The following PRICKLE2 variants were observed in gnomAD, a reference collection of about 807,000 sequenced individuals.
The protein encoded by PRICKLE2 is prickle-like protein 2.
In PRICKLE2, 21 loss-of-function variants were observed where a neutral mutation model predicts 81.4. The ratio of observed to expected loss-of-function variants is 0.26; its 90% CI spans 0.18 to 0.37. PRICKLE2 has a LOEUF of 0.37. Among genes scored for constraint, PRICKLE2 ranks in the 10% least tolerant of loss-of-function variants. The probability of loss-of-function intolerance (pLI) is 1.00; values close to 1 mark genes in which losing one functional copy is unlikely to be tolerated. For missense variants in PRICKLE2, 940 were observed against 1,109.0 expected, an observed-to-expected ratio of 0.85 and a Z score of 2.16; for synonymous variants, 456 against 421.5, an observed-to-expected ratio of 1.08 and a Z score of -1.00.
chr3:64,146,805 T>C, intron 7 of PRICKLE2, 25 bp downstream of exon 7: 1 of 1,613,718 alleles, frequency 6.2e-7, no homozygotes, highest in Non-Finnish European at 8.5e-7. Flanking sequence ...CCTTTCTATC[T>C]GTTTTCAAGG....
chr3:64,245,264 A>G (rs2079329199), intron 2 of PRICKLE2, among the ~76,000 whole-genome samples: 1 of 140,388 alleles, frequency 7.1e-6, no homozygotes, highest in South Asian at 2.5e-4. Context: ...AAAAAAGTTT[A>G]GATGGGTCAG....
chr3:64,111,227 C>T (rs1295261586), intron 7 of PRICKLE2, among the ~76,000 whole-genome samples: 3 of 152,152 alleles, frequency 2.0e-5, no homozygotes, highest in Non-Finnish European at 4.4e-5. Flanking sequence ...AGTGCTGGTG[C>T]GGGGACACCA....
Position 64,099,726 on chromosome 3 carries a change from G to A in PRICKLE2, c.1860C>T (p.Asn620=), listed in dbSNP as rs374890702. Residue 620 remains asparagine, a synonymous_variant, in exon 8 of 8, where the codon AAC becomes AAT. Transcript: ENST00000638394. The surrounding 1 kb of genome is among the most constrained non-coding windows in gnomAD (Gnocchi z 4.3). ...SAQQYQEMEG[N]LHQLSNPIGY... is the part of the protein sequence containing the mutation. ...CAATGGGGTTGCTGAGCTGGTGGAG[G>A]TTTCCCTCCATCTCCTGGTACTGCT... The A allele has an allele frequency of 1.2e-6, 2 of 1,614,080 alleles. No homozygotes were observed. Among genetic ancestry groups the A allele is most frequent in the African/African-American group, 2.7e-5 (2 of 74,942 alleles).
intron 7 of PRICKLE2, among the ~76,000 whole-genome samples, chr3:64,109,389 C>G (rs956085338): frequency 1.1e-4 from 16 of 152,146 alleles, no homozygotes; most frequent in African/African-American, 3.6e-4. Context: ...TGATGTATCT[C>G]TTTTACTTCC....
chr3:64,232,690 T>C (rs891938997), intron 2 of PRICKLE2, among the ~76,000 whole-genome samples: 11 of 152,202 alleles, frequency 7.2e-5, no homozygotes, highest in Admixed American at 1.3e-4. Flanking sequence ...TTTAGGCTGA[T>C]GACTCAAGGC....
At chr3:64,200,303 T>C (rs1367002629) in intron 1 of PRICKLE2, 4 of 152,238 alleles carry the variant, frequency 2.6e-5, no homozygotes, top group African/African-American at 9.6e-5. Context: ...TATCAATCCT[T>C]CATCCCCTTT....
chr3:64,097,322 A>G lies in PRICKLE2; in HGVS notation c.*1729T>C, dbSNP rs1354639086. The G allele has an allele frequency of 6.6e-6, 1 of 152,584 alleles. No individual in the cohort carries two copies. Among genetic ancestry groups the G allele is most frequent in the Non-Finnish European group, 1.5e-5 (1 of 68,032 alleles). 9.5% of individuals were successfully genotyped at this position (152,584 alleles called of 1,614,324 possible). A position where few individuals can be genotyped will look rare whatever the true frequency, so the allele number is the denominator to read the frequency against. Reference sequence around the variant, plus strand: ...AAATGCCACTTTTGACATTCTCTCCATAAAAAATACTAGAAAATGTTAACT... The same window carrying G: ...AAATGCCACTTTTGACATTCTCTCCGTAAAAAATACTAGAAAATGTTAACT... On this transcript the variant is annotated 3_prime_UTR_variant, in exon 8 of 8. Coordinates refer to ENST00000638394, the MANE Select transcript of PRICKLE2 (RefSeq NM_198859.4).
chr3:64,162,731 G>A (rs547608825), intron 3 of PRICKLE2, among the ~76,000 whole-genome samples: 1 of 152,164 alleles, frequency 6.6e-6, no homozygotes, highest in African/African-American at 2.4e-5. Context: ...AGAAAACTTG[G>A]AATCATAGCT....
chr3:64,244,654 G>A (rs1321713288), intron 2 of PRICKLE2, among the ~76,000 whole-genome samples: 2 of 151,810 alleles, frequency 1.3e-5, no homozygotes, highest in African/African-American at 2.4e-5. Flanking sequence ...GAGGGAGAAC[G>A]AGACAGGGAG....
upstream of PRICKLE2, among the ~76,000 whole-genome samples, chr3:64,227,115 C>T (rs2079042804): frequency 1.3e-5 from 2 of 152,208 alleles, no homozygotes; most frequent in Admixed American, 6.5e-5. Flanking sequence ...TAACTTCTTT[C>T]AGAATGCTTC....
At chr3:64,109,625 C>A (rs1258056193) in intron 7 of PRICKLE2, among the ~76,000 whole-genome samples, 1 of 152,174 alleles carries the variant, frequency 6.6e-6, no homozygotes, top group Non-Finnish European at 1.5e-5. Context: ...TAACTTCTTA[C>A]TTCACACTCC....
At chr3:64,158,672 G>A (rs2077678874) in intron 4 of PRICKLE2, among the ~76,000 whole-genome samples, 1 of 152,178 alleles carries the variant, frequency 6.6e-6, no homozygotes. Context: ...AGAGGAGCAA[G>A]GATTTCACCT....
chr3:64,227,321 A>G (rs572551930), upstream of PRICKLE2, among the ~76,000 whole-genome samples: 1 of 152,338 alleles, frequency 6.6e-6, no homozygotes, highest in South Asian at 2.1e-4. Context: ...CAAGTCTAAC[A>G]GTTTGGGGCC....
intron 2 of PRICKLE2, among the ~76,000 whole-genome samples, chr3:64,238,098 G>C (rs1030416417): frequency 1.3e-5 from 2 of 152,188 alleles, no homozygotes; most frequent in African/African-American, 4.8e-5. Context: ...CCAAAGCAGG[G>C]TCCAAACTAT....
chr3:64,240,592 C>G (rs2079250004), intron 2 of PRICKLE2, among the ~76,000 whole-genome samples: 1 of 152,140 alleles, frequency 6.6e-6, no homozygotes, highest in South Asian at 2.1e-4. Context: ...TAATTCCTCT[C>G]CTCTGGACAA....
chr3:64,215,952 T>A (rs1467809525), intron 1 of PRICKLE2, among the ~76,000 whole-genome samples: 1 of 152,192 alleles, frequency 6.6e-6, no homozygotes, highest in Non-Finnish European at 1.5e-5. Flanking sequence ...ATAAAAACTA[T>A]CTGAGAGATA....
At chr3:64,193,813 G>A (rs2078395460) in intron 2 of PRICKLE2, among the ~76,000 whole-genome samples, 1 of 152,154 alleles carries the variant, frequency 6.6e-6, no homozygotes, top group South Asian at 2.1e-4. Flanking sequence ...CTCTTTGCTT[G>A]CTGCCGTCCA....
intron 2 of PRICKLE2, among the ~76,000 whole-genome samples, chr3:64,265,755 G>C (rs886880536): frequency 1.3e-4 from 20 of 152,208 alleles, no homozygotes; most frequent in African/African-American, 4.8e-4. Flanking sequence ...GTGAGTGCTA[G>C]TTCAAACCTT....
chr3:64,180,351 C>T (rs697276), intron 2 of PRICKLE2, among the ~76,000 whole-genome samples: 59,702 of 151,778 alleles, frequency 0.39, 12,382 homozygotes, highest in African/African-American at 0.52. Context: ...ATTTTTACCA[C>T]TTTTCAGCAG....
Sources: allele counts gnomAD v4.1 joint callset (sites outside exome capture counted in the v4.1 genomes callset), GRCh38; gene constraint gnomAD v4.1.1; non-coding constraint Gnocchi (gnomAD v3.1); transcripts MANE v1.5; gene names NCBI Gene and HGNC (gene_info 2026-07-23, HGNC 2026-07-21).